Variants in MAMLD1 observed in about 807,000 individuals in gnomAD.
MAMLD1 encodes the protein mastermind like domain containing 1.
In MAMLD1, 14 loss-of-function variants were observed where a neutral mutation model predicts 45.0. The observed-to-expected ratio is 0.31, with a 90% CI of 0.21 to 0.49. The LOEUF is 0.49. Ranked by LOEUF, MAMLD1 falls within the 20% of genes least tolerant of loss-of-function variation. The probability of loss-of-function intolerance (pLI) is 0.99; values close to 1 mark genes in which losing one functional copy is unlikely to be tolerated. For missense variants in MAMLD1, 543 were observed against 603.6 expected (o/e 0.90, Z 1.05); for synonymous variants, 254 against 247.8 (o/e 1.02, Z -0.24).
chrX:150,451,000 G>T (rs184493418), intron 2 of MAMLD1, among the ~76,000 whole-genome samples: 8 of 112,973 alleles, frequency 7.1e-5, no homozygotes, highest in Admixed American at 2.8e-4. Context: ...CAGAGGCCTT[G>T]CCTTCACACA....
chrX:150,498,623 T>C (rs1163969935), intron 5 of MAMLD1, among the ~76,000 whole-genome samples: 1 of 112,623 alleles, frequency 8.9e-6, no homozygotes, highest in Non-Finnish European at 1.9e-5. Context: ...ACATTTCAAG[T>C]GCTACACACT....
chrX:150,448,462 A>G (rs2035560711), intron 2 of MAMLD1, among the ~76,000 whole-genome samples: 1 of 112,413 alleles, frequency 8.9e-6, no homozygotes. Flanking sequence ...ATGCACATTG[A>G]AAACTACAAA....
rs1214340727 is a variant in MAMLD1 at position 150,470,572 on chromosome X, T to C, written c.999T>C (p.Pro333=). The change falls in exon 4 of 8, where the codon CCT becomes CCC. Residue 333 remains proline (P), a synonymous_variant. Transcript: ENST00000370401. ...CCCCCAGTTGGTCTGGTCTGCCTCCTCCAGGACTCTCTCCACCTTACCGCC... is the reference window on the plus strand; with the variant it reads ...CCCCCAGTTGGTCTGGTCTGCCTCCCCCAGGACTCTCTCCACCTTACCGCC... ...GPTPSWSGLP[P]PGLSPPYRPV... is the part of the protein sequence containing the mutation. The C allele has an allele frequency of 2.8e-5, 34 of 1,209,770 alleles. No homozygotes were observed. The highest frequency in any genetic ancestry group is 3.8e-5 in the Non-Finnish European group (34 of 895,093).
At chrX:150,422,932 T>G (rs1358566426) in intron 1 of MAMLD1, among the ~76,000 whole-genome samples, 1 of 111,697 alleles carries the variant, frequency 9.0e-6, no homozygotes, top group East Asian at 2.8e-4. Flanking sequence ...GTTCAAGGTC[T>G]CATTTGATCC....
At chrX:150,378,800 A>C (rs2032455544) in intron 1 of MAMLD1, among the ~76,000 whole-genome samples, 2 of 111,619 alleles carry the variant, frequency 1.8e-5, no homozygotes, top group Non-Finnish European at 3.8e-5. Flanking sequence ...AACTCCTTCA[A>C]ACTAGTTCCT....
At chrX:150,444,086 A>G (rs782442811) in intron 1 of MAMLD1, among the ~76,000 whole-genome samples, 6 of 111,971 alleles carry the variant, frequency 5.4e-5, no homozygotes, top group African/African-American at 1.9e-4. Context: ...CATTGACATC[A>G]GGGAGGATGG....
intron 5 of MAMLD1, among the ~76,000 whole-genome samples, chrX:150,476,584 A>G (rs782373504): frequency 9.0e-6 from 1 of 111,534 alleles, no homozygotes; most frequent in Admixed American, 9.5e-5. Context: ...AGGGATGTGG[A>G]TGGAGGCCAG....
At chrX:150,384,846 A>G (rs1346379265) in intron 1 of MAMLD1, among the ~76,000 whole-genome samples, 8 of 111,944 alleles carry the variant, frequency 7.1e-5, no homozygotes, top group African/African-American at 2.6e-4. Flanking sequence ...CGATATATGT[A>G]TATATTGTGT....
intron 2 of MAMLD1, among the ~76,000 whole-genome samples, chrX:150,460,681 T>C (rs1168896994): frequency 3.6e-5 from 4 of 111,831 alleles, no homozygotes; most frequent in Non-Finnish European, 7.5e-5. Context: ...AGATTATCTG[T>C]AGAGAGAGCT....
At chrX:150,452,738 G>A (rs1351801976) in intron 2 of MAMLD1, among the ~76,000 whole-genome samples, 1 of 97,524 alleles carries the variant, frequency 1.0e-5, no homozygotes, top group Non-Finnish European at 2.1e-5. Flanking sequence ...ATCTCCCAAT[G>A]CTATCCCTCC....
chrX:150,412,024 CT>C (rs1294574060), intron 1 of MAMLD1, among the ~76,000 whole-genome samples: 1 of 111,927 alleles, frequency 8.9e-6, no homozygotes, highest in Admixed American at 9.5e-5. Context: ...ACAAAATGTT[CT>C]AAAACTAAAA....
intron 2 of MAMLD1, among the ~76,000 whole-genome samples, chrX:150,458,453 A>C (rs2035938439): frequency 9.0e-6 from 1 of 111,548 alleles, no homozygotes; most frequent in Non-Finnish European, 1.9e-5. Context: ...CCTAAGCTTC[A>C]AAGTTCATCC....
intron 1 of MAMLD1, among the ~76,000 whole-genome samples, chrX:150,408,168 CTT>C (rs1200326155): frequency 9.5e-6 from 1 of 105,123 alleles, no homozygotes; most frequent in Admixed American, 1.0e-4. Flanking sequence ...TTAATCAGAG[CTT>C]TTTTTTTTTC....
Position 150,473,752 on chromosome X carries a change from T to C in MAMLD1, c.1990T>C (p.Phe664Leu), listed in dbSNP as rs2036500157. 7.4e-6 allele frequency: 9 copies of C among 1,208,794 alleles called. No homozygotes were observed. The highest frequency in any genetic ancestry group is 6.7e-6 in the Non-Finnish European group (6 of 892,630). Residue 664 changes from phenylalanine to leucine, a missense_variant, in exon 5 of 8, where the codon TTC becomes CTC. Coordinates refer to ENST00000370401, the MANE Select transcript of MAMLD1 (RefSeq NM_005491.5). ...VKPQHQHGNS[F>L]TSRQDPQPGD... Reference sequence around the variant, plus strand: ...GCCCCAGCATCAACACGGGAACTCTTTCACTAGCAGGCAAGATCCTCAGCC... The same window carrying C: ...GCCCCAGCATCAACACGGGAACTCTCTCACTAGCAGGCAAGATCCTCAGCC...
intron 2 of MAMLD1, among the ~76,000 whole-genome samples, chrX:150,454,690 C>G (rs181232299): frequency 1.7e-3 from 191 of 111,143 alleles, no homozygotes; most frequent in African/African-American, 6.2e-3. Context: ...ACTGTGGGAA[C>G]TCACCCTGAT....
intron 1 of MAMLD1, among the ~76,000 whole-genome samples, chrX:150,364,483 C>G (rs1014014421): frequency 8.9e-6 from 1 of 112,964 alleles, no homozygotes. Flanking sequence ...CCCGCCCCGC[C>G]GCGCTTCTGC....
chrX:150,449,922 A>C (rs912604419), intron 2 of MAMLD1, among the ~76,000 whole-genome samples: 4 of 111,853 alleles, frequency 3.6e-5, no homozygotes, highest in African/African-American at 1.3e-4. Context: ...CTTCTGTGTC[A>C]CAGAGATTGA....
rs149085589 is a variant in MAMLD1 at position 150,438,626 on chromosome X, T to C, written c.-63-6828T>C. ...TCATACAGTATGTAACCTATTATGA[T>C]TGGCTTCTTTCAGTTAGCTTAATGT... On this transcript the variant is annotated intron_variant, in intron 1 of 7. Transcript: ENST00000370401. Among the ~76,000 whole-genome samples the C allele has an allele frequency of 6.5e-3, 735 of 112,331 alleles. 2 individuals carry two copies. The highest frequency in any genetic ancestry group is 0.016 in the South Asian group (44 of 2,696).
chrX:150,465,872 G>A (rs782113878), intron 3 of MAMLD1, among the ~76,000 whole-genome samples: 1 of 112,718 alleles, frequency 8.9e-6, no homozygotes, highest in South Asian at 3.7e-4. Flanking sequence ...GATTCATTTA[G>A]AAAGGGCTGG....
Sources: gnomAD v4.1 joint callset for allele counts (sites outside exome capture counted in the v4.1 genomes callset) on GRCh38, gnomAD v4.1.1 for gene constraint, MANE v1.5 for transcripts, NCBI Gene and HGNC (gene_info 2026-07-23, HGNC 2026-07-21) for gene names.